SDS: variants seen among roughly 807,000 people sequenced by gnomAD.
The protein encoded by SDS is serine dehydratase.
A neutral mutation model predicts 29.3 loss-of-function variants in SDS; 19 were observed. The ratio of observed to expected loss-of-function variants is 0.65; its 90% CI spans 0.45 to 0.95. The LOEUF (loss-of-function observed/expected upper bound fraction) is 0.95, where lower values mean the gene tolerates loss of function less well. SDS is among the 40% of genes least tolerant of loss of function. The pLI is 0.00. For missense variants in SDS, 375 were observed against 439.9 expected (o/e 0.85, Z 1.32); for synonymous variants, 176 against 189.0 (o/e 0.93, Z 0.56).
At chr12:113,397,871 C>T (rs1172765626) in intron 5 of SDS, among the ~76,000 whole-genome samples, 1 of 152,148 alleles carries the variant, frequency 6.6e-6, no homozygotes, top group Non-Finnish European at 1.5e-5. Context: ...TGAATCACCT[C>T]CCAAATAAAC....
chr12:113,394,343 G>GT (rs565900434), intron 6 of SDS, among the ~76,000 whole-genome samples: 7,716 of 131,998 alleles, frequency 0.058, 253 homozygotes, highest in Middle Eastern at 0.11. Context: ...TTGTTTTTTT[G>GT]TTTTTTTTTT....
chr12:113,394,635 C>A (rs147855044), intron 6 of SDS, among the ~76,000 whole-genome samples: 4 of 152,102 alleles, frequency 2.6e-5, no homozygotes, highest in Non-Finnish European at 5.9e-5. Context: ...CCACCATGCC[C>A]GACCCCAGGC....
At chr12:113,399,242 G>T in intron 2 of SDS, 91 bp from the exon 3 acceptor site, 2 of 1,365,722 alleles carry the variant, frequency 1.5e-6, no homozygotes, top group Non-Finnish European at 2.1e-6. Flanking sequence ...CAGGATTCCA[G>T]TGGACACGGA....
intron 6 of SDS, among the ~76,000 whole-genome samples, chr12:113,396,395 CCTTTCTTTCTCTTTTTT>C (rs1469089790): frequency 2.7e-5 from 4 of 147,554 alleles, no homozygotes; most frequent in East Asian, 4.1e-4. Flanking sequence ...TTTCTTTCTT[CCTTTCTTTCTCTTTTTT>C]CTTTCTTTCT....
In SDS at chr12:113,393,117, C is replaced by G. The variant is rs769136652; in HGVS notation, c.811G>C (p.Gly271Arg). 3 of 1,614,050 alleles carry G rather than the reference C, an allele frequency of 1.9e-6. No homozygotes were observed. Among genetic ancestry groups the G allele is most frequent in the Non-Finnish European group, 2.5e-6 (3 of 1,180,022 alleles). The change falls in exon 8 of 8, where the codon GGG (glycine) becomes CGG (arginine). Residue 271 changes from glycine (G) to arginine (R), a missense_variant. By Grantham distance (125) the Gly-to-Arg change is moderately radical (BLOSUM62 -2). Coordinates refer to ENST00000257549, the MANE Select transcript of SDS (RefSeq NM_006843.3). The stretch of plus-strand genomic sequence containing the variant: ...CTATAGACAGCGGCCAGGGCTGCCC[C>G]GCAGGCGGGCTCCACCAGGATCTTC... ...DEKILVEPAC[G>R]AALAAVYSHV...
At chr12:113,395,948 C>T (rs1391111949) in intron 6 of SDS, among the ~76,000 whole-genome samples, 1 of 152,134 alleles carries the variant, frequency 6.6e-6, no homozygotes, top group Non-Finnish European at 1.5e-5. Context: ...CCCATTTCTA[C>T]TAAAAATACA....
intron 1 of SDS, among the ~76,000 whole-genome samples, chr12:113,403,536 AT>A (rs200165161): frequency 2.7e-5 from 4 of 150,906 alleles, no homozygotes; most frequent in African/African-American, 7.3e-5. Context: ...AAAAAAAAAA[AT>A]TTTTTTTGTA....
chr12:113,403,553 T>TG (rs200472962), intron 1 of SDS, among the ~76,000 whole-genome samples: 1,781 of 151,384 alleles, frequency 0.012, 27 homozygotes, highest in African/African-American at 0.039. Flanking sequence ...TTGTAGAGAT[T>TG]GGGGGGGGTC....
rs745310641 is a variant in SDS at position 113,397,408 on chromosome 12, A to T, written c.426-16T>A. ...GTGGCCTTCCCTGGAGGGTGGGGAG[A>T]GGGGGTGGCAGGTCAGGGCTAGGCT... is the stretch of plus-strand genomic sequence containing the variant. On this transcript the variant is annotated splice_polypyrimidine_tract_variant and intron_variant, in intron 5 of 7. Transcript: ENST00000257549. 18 of 1,586,536 alleles carry T rather than the reference A, an allele frequency of 1.1e-5. No homozygotes were observed. Among genetic ancestry groups the T allele is most frequent in the Admixed American group, 1.7e-5 (1 of 58,882 alleles).
Position 113,398,698 on chromosome 12 carries a change from G to A in SDS, c.333+9C>T, listed in dbSNP as rs755775511. 3.5e-5 allele frequency: 57 copies of A among 1,613,374 alleles called. No homozygotes were observed. The highest frequency in any genetic ancestry group is 4.4e-5 in the South Asian group (4 of 91,032). ...CCCTCTCTCTTCCTTGCCCTGGGTCGGCACTCACCTCACCCACCACCTTGA... is the reference window on the plus strand; with the variant it reads ...CCCTCTCTCTTCCTTGCCCTGGGTCAGCACTCACCTCACCCACCACCTTGA... On this transcript the variant is annotated intron_variant, in intron 4 of 7. Transcript: ENST00000257549.
chr12:113,399,824 G>C, intron 1 of SDS, 114 bp from the exon 2 acceptor site: 1 of 1,032,980 alleles, frequency 9.7e-7, no homozygotes, highest in Admixed American at 3.2e-5. Context: ...TCAGACGAGA[G>C]AGCATCCTGG....
intron 1 of SDS, among the ~76,000 whole-genome samples, chr12:113,402,292 CG>C (rs1957688514): frequency 6.6e-6 from 1 of 152,018 alleles, no homozygotes; most frequent in Non-Finnish European, 1.5e-5. Flanking sequence ...AATGGGATCC[CG>C]GTTTTTATTT....
At chr12:113,396,536 C>T (rs1184672879) in intron 6 of SDS, 1 of 88,764 alleles carries the variant, frequency 1.1e-5, no homozygotes, top group African/African-American at 4.6e-5. Flanking sequence ...CTCCCTCCCT[C>T]CCTCTCTCCC....
intron 7 of SDS, 37 bp from the exon 8 acceptor site, chr12:113,393,186 G>T: frequency 6.3e-7 from 1 of 1,593,824 alleles, no homozygotes; most frequent in Non-Finnish European, 8.6e-7. Flanking sequence ...CGTGGCCTGA[G>T]TTTCCCAGGG....
At chr12:113,393,460 G>C (rs1957624138) in intron 7 of SDS, among the ~76,000 whole-genome samples, 1 of 152,198 alleles carries the variant, frequency 6.6e-6, no homozygotes, top group Non-Finnish European at 1.5e-5. Context: ...TGTGCAGCAG[G>C]TACAGAAGCA....
intron 1 of SDS, among the ~76,000 whole-genome samples, chr12:113,401,864 G>A (rs1026681819): frequency 1.2e-4 from 18 of 152,180 alleles, no homozygotes; most frequent in Non-Finnish European, 4.4e-5. Flanking sequence ...GGCCAGAAGA[G>A]ATCAGCTGAC....
At chr12:113,397,033 TG>T in intron 6 of SDS, 131 bp downstream of exon 6, 2 of 816,662 alleles carry the variant, frequency 2.4e-6, no homozygotes, top group East Asian at 5.4e-5. Flanking sequence ...GACGTGGCCC[TG>T]GGCAAGCGAT....
Position 113,398,510 on chromosome 12 carries a change from C to T in SDS, c.425+5G>A, listed in dbSNP as rs1204695407. Reference sequence around the variant, plus strand: ...CCCCACCAAGTGACCTTGAACTCCACATACCAGATGAGGGGGTCATCAAAG... The same window carrying T: ...CCCCACCAAGTGACCTTGAACTCCATATACCAGATGAGGGGGTCATCAAAG... On this transcript the variant is annotated splice_donor_5th_base_variant and intron_variant, in intron 5 of 7. Transcript: ENST00000257549. 1 of 1,583,602 alleles carries T rather than the reference C, an allele frequency of 6.3e-7. No homozygotes were observed. Among genetic ancestry groups the T allele is most frequent in the African/African-American group, 1.4e-5 (1 of 73,290 alleles).
At chr12:113,396,594 C>CTTCCTTCT (rs1957648550) in intron 6 of SDS, 3 of 123,148 alleles carry the variant, frequency 2.4e-5, no homozygotes. Context: ...TCCTTCCTTC[C>CTTCCTTCT]TTCCTTCCCT....
Sources: allele counts gnomAD v4.1 joint callset (sites outside exome capture counted in the v4.1 genomes callset), GRCh38; gene constraint gnomAD v4.1.1; transcripts MANE v1.5; gene names NCBI Gene and HGNC (gene_info 2026-07-23, HGNC 2026-07-21).